The following HMCN1 variants were observed in gnomAD, a reference collection of about 807,000 sequenced individuals.
HMCN1 encodes the protein hemicentin 1.
In HMCN1, 321 loss-of-function variants were observed where a neutral mutation model predicts 625.9. That is an observed-to-expected ratio of 0.51 (90% CI 0.47 to 0.56). The LOEUF (loss-of-function observed/expected upper bound fraction) is 0.56, where lower values mean the gene tolerates loss of function less well. HMCN1 is among the 20% of genes least tolerant of loss of function. HMCN1 has a pLI of 0.00. For missense variants in HMCN1, 6,588 were observed against 6,887.3 expected (o/e 0.96, Z 1.54); for synonymous variants, 2,425 against 2,417.6 (o/e 1.00, Z -0.09).
rs1055664617 is a variant in HMCN1, at chr1:186,038,136, G to T, written c.5851+101G>T. The T allele has an allele frequency of 5.8e-5, 44 of 757,470 alleles. 1 individual carries two copies. The Middle Eastern group carries it at 1.8e-3, about 32-fold the overall frequency. 46.9% of individuals were successfully genotyped at this position (757,470 alleles called of 1,614,324 possible). A position where few individuals can be genotyped will look rare whatever the true frequency, so the allele number is the denominator to read the frequency against. On this transcript the variant is annotated intron_variant, in intron 37 of 106. Coordinates refer to ENST00000271588, the MANE Select transcript of HMCN1 (RefSeq NM_031935.3). ...TATACTAATTACTAGTAAAGAACAG[G>T]TTATAGAATACATTTCATGGGTGAA...
chr1:185,798,514 T>C (rs1448316633), intron 1 of HMCN1, among the ~76,000 whole-genome samples: 1 of 152,194 alleles, frequency 6.6e-6, no homozygotes, highest in Non-Finnish European at 1.5e-5. Flanking sequence ...CTCTGACTCC[T>C]AGATTTGAAC....
intron 34 of HMCN1, among the ~76,000 whole-genome samples, chr1:186,019,087 A>T (rs1654549983): frequency 6.6e-6 from 1 of 152,042 alleles, no homozygotes; most frequent in Non-Finnish European, 1.5e-5. Flanking sequence ...AGTCTCAGTC[A>T]CAATTCCTGA....
rs764807456 is a variant in HMCN1 at position 186,117,601 on chromosome 1, T to C, written c.11826T>C (p.Asp3942=). 4 of 1,613,838 alleles carry C rather than the reference T, an allele frequency of 2.5e-6. No individual in the cohort carries two copies. The highest frequency in any genetic ancestry group is 2.2e-5 in the East Asian group (1 of 44,856). Residue 3942 remains aspartate (D), a synonymous_variant, in exon 77 of 107, where the codon GAT becomes GAC. Coordinates refer to ENST00000271588, the MANE Select transcript of HMCN1 (RefSeq NM_031935.3). ...GTATAAGACTGCTTCCCAGGGGAGA[T>C]GGCTATAGAATTCTGTCCTCAGGTA... The part of the protein sequence containing the change: ...KNGIRLLPRG[D]GYRILSSGAI...
chr1:185,919,074 C>CATATATATATATATATATATATAT lies in HMCN1; in HGVS notation c.901-3288_901-3287insTATATATATATATATATATATATA, dbSNP rs60205431. On this transcript the variant is annotated intron_variant, in intron 6 of 106. Transcript: ENST00000271588. ...AATTTTGGCCTCACTAATTTTAGGACATATATATATATATATAATTTTATT... is the reference window on the plus strand; with the variant it reads ...AATTTTGGCCTCACTAATTTTAGGACATATATATATATATATATATATATATATATATATATATATAATTTTATT... Among the ~76,000 whole-genome samples, 63 of 146,108 alleles carry CATATATATATATATATATATATAT rather than the reference C, an allele frequency of 4.3e-4. 1 individual carries two copies. Among genetic ancestry groups the CATATATATATATATATATATATAT allele is most frequent in the African/African-American group, 1.5e-3 (58 of 38,916 alleles).
Position 185,985,188 on chromosome 1 carries a change from G to A in HMCN1, c.2935+875G>A, listed in dbSNP as rs57060687. ...CCTCTTCCACCTTTCTCAGTTTTAC[G>A]TTAAGTATCCACCACATCACCTTAG... On this transcript the variant is annotated intron_variant, in intron 19 of 106. Coordinates refer to ENST00000271588, the MANE Select transcript of HMCN1 (RefSeq NM_031935.3). 1.4e-3 allele frequency among the ~76,000 whole-genome samples: 215 copies of A among 152,142 alleles called. 2 individuals are homozygous for A. The highest frequency in any genetic ancestry group is 4.8e-3 in the African/African-American group (199 of 41,496).
At chr1:185,821,887 T>TAAA (rs112180883) in intron 1 of HMCN1, among the ~76,000 whole-genome samples, 83 of 126,962 alleles carry the variant, frequency 6.5e-4, no homozygotes, top group Non-Finnish European at 3.8e-4. Flanking sequence ...TGCTTTGCTT[T>TAAA]AAAAAAAAAA....
In HMCN1 at chr1:186,048,750, A is replaced by T. The variant is rs760450889; in HGVS notation, c.6488A>T (p.Asp2163Val). Residue 2163 changes from aspartate (D) to valine (V), a missense_variant, in exon 42 of 107, where the codon GAT becomes GTT. Asp to Val is a radical substitution (Grantham distance 152). Around this residue, in one of 3 missense-constraint regions of HMCN1, gnomAD observed 4,628 missense variants for 4,853.1 expected, o/e 0.95. Transcript: ENST00000271588. ...SENRSVLKIE[D>V]AQVQDTGRYT... Reference sequence around the variant, plus strand: ...GGATGATTTTGTTTTCAGATTGAAGATGCTCAGGTTCAAGACACTGGTCGT... The same window carrying T: ...GGATGATTTTGTTTTCAGATTGAAGTTGCTCAGGTTCAAGACACTGGTCGT... The T allele has an allele frequency of 1.2e-6, 2 of 1,604,334 alleles. No individual in the cohort carries two copies. The highest frequency in any genetic ancestry group is 2.2e-5 in the South Asian group (2 of 90,904).
intron 1 of HMCN1, among the ~76,000 whole-genome samples, chr1:185,764,449 G>T (rs1335628279): frequency 6.6e-6 from 1 of 152,122 alleles, no homozygotes; most frequent in Non-Finnish European, 1.5e-5. Context: ...GGAAGAGTTG[G>T]ATTATTGTTC....
At chr1:186,053,248 C>A (rs1054121803) in intron 43 of HMCN1, among the ~76,000 whole-genome samples, 174 bp downstream of exon 43, 7 of 151,918 alleles carry the variant, frequency 4.6e-5, no homozygotes, top group African/African-American at 1.7e-4. Flanking sequence ...CTACACTTCC[C>A]AGCTGAAATT....
At chr1:185,913,266 T>C (rs1009279594) in intron 6 of HMCN1, among the ~76,000 whole-genome samples, 1 of 152,214 alleles carries the variant, frequency 6.6e-6, no homozygotes, top group Non-Finnish European at 1.5e-5. Flanking sequence ...TGCCTGTTTT[T>C]TTTCCACCCA....
At chr1:186,107,309 C>T (rs903762447) in intron 70 of HMCN1, among the ~76,000 whole-genome samples, 2 of 152,154 alleles carry the variant, frequency 1.3e-5, no homozygotes, top group African/African-American at 2.4e-5. Flanking sequence ...TTTGACTAAT[C>T]AAACGCTGTT....
chr1:185,956,888 A>G (rs1649667741), intron 11 of HMCN1, among the ~76,000 whole-genome samples: 2 of 152,232 alleles, frequency 1.3e-5, no homozygotes, highest in African/African-American at 4.8e-5. Context: ...TAGTAGCTGT[A>G]TGTCAGGAAA....
At position 186,017,059 on chromosome 1, in the gene HMCN1, C is replaced by G; in HGVS notation, c.5288C>G (p.Pro1763Arg). The change falls in exon 33 of 107, where the codon CCA becomes CGA. Residue 1763 changes from proline to arginine, a missense_variant. Coordinates refer to ENST00000271588, the MANE Select transcript of HMCN1 (RefSeq NM_031935.3). ...ELDCHVTGSP[P>R]PTIMWLKDGQ... ...GATTGTCATGTGACAGGCTCTCCCC[C>G]ACCAACTATCATGTAAGGGTTTTGG... 6.3e-7 allele frequency: 1 copy of G among 1,581,504 alleles called. No individual in the cohort carries two copies. Among genetic ancestry groups the G allele is most frequent in the Non-Finnish European group, 8.7e-7 (1 of 1,150,578 alleles).
intron 4 of HMCN1, among the ~76,000 whole-genome samples, chr1:185,874,981 A>G (rs1039420022): frequency 1.2e-4 from 18 of 151,864 alleles, no homozygotes; most frequent in African/African-American, 4.3e-4. Flanking sequence ...AAATTAATGC[A>G]GTAATATTAT....
intron 3 of HMCN1, among the ~76,000 whole-genome samples, chr1:185,865,475 C>T (rs187354035): frequency 2.2e-4 from 33 of 152,120 alleles, no homozygotes; most frequent in Admixed American, 1.7e-3. Context: ...GTCATGGTCT[C>T]ACTTCTACTT....
chr1:185,962,529 G>A lies in HMCN1; in HGVS notation c.1840G>A (p.Val614Ile). ...ATTTTTATTTGCAGAACCACCCAAA[G>A]TCACTGTGATGCCCAAGAATCAGTC... ...VFLTVQEPPK[V>I]TVMPKNQSFT... Residue 614 changes from valine to isoleucine, a missense_variant, in exon 12 of 107, where the codon GTC becomes ATC. Physicochemically the swap from Val to Ile is conservative, Grantham distance 29. Around this residue, in one of 3 missense-constraint regions of HMCN1, gnomAD observed 4,628 missense variants for 4,853.1 expected, o/e 0.95. Transcript: ENST00000271588. The A allele has an allele frequency of 6.2e-7, 1 of 1,613,336 alleles. No homozygotes were observed. Among genetic ancestry groups the A allele is most frequent in the Non-Finnish European group, 8.5e-7 (1 of 1,179,344 alleles).
At position 186,172,116 on chromosome 1, in the gene HMCN1, A is replaced by G. The variant is rs1652272085; in HGVS notation, c.15799A>G (p.Asn5267Asp). 6.2e-7 allele frequency: 1 copy of G among 1,613,838 alleles called. No individual in the cohort carries two copies. ...LCPNGMTKAENGTCIDIDECK... is the reference protein window; with the variant it reads ...LCPNGMTKAEDGTCIDIDECK... ...TCCAAATGGAATGACCAAGGCAGAA[A>G]ATGGAACCTGTATTGGTGAGTGTCT... The change falls in exon 102 of 107, where the codon AAT (asparagine) becomes GAT (aspartate). Residue 5267 changes from asparagine (N) to aspartate (D), a missense_variant. Transcript: ENST00000271588.
intron 4 of HMCN1, among the ~76,000 whole-genome samples, chr1:185,894,740 A>G (rs1361943566): frequency 6.6e-6 from 1 of 152,168 alleles, no homozygotes; most frequent in African/African-American, 2.4e-5. Flanking sequence ...AGGTTTAGAA[A>G]AGCTTCCAAC....
intron 24 of HMCN1, 57 bp from the exon 25 acceptor site, chr1:185,997,372 G>A: frequency 1.9e-6 from 2 of 1,059,448 alleles, no homozygotes; most frequent in Non-Finnish European, 2.9e-6. Flanking sequence ...TTGTGCCTTA[G>A]GAGAGTTTGA....
Sources: gnomAD v4.1 joint callset for allele counts (sites outside exome capture counted in the v4.1 genomes callset) on GRCh38, gnomAD v4.1.1 for gene constraint, gnomAD v4.1.1 regional missense constraint, MANE v1.5 for transcripts, NCBI Gene and HGNC (gene_info 2026-07-23, HGNC 2026-07-21) for gene names.